LMBR1: variants seen among roughly 807,000 people sequenced by gnomAD.
The protein encoded by LMBR1 is limb development membrane protein 1.
A neutral mutation model predicts 73.9 loss-of-function variants in LMBR1; 52 were observed. The ratio of observed to expected loss-of-function variants is 0.70; its 90% CI spans 0.56 to 0.89. The LOEUF (loss-of-function observed/expected upper bound fraction) is 0.89, where lower values mean the gene tolerates loss of function less well. Ranked by LOEUF, LMBR1 falls within the 40% of genes least tolerant of loss-of-function variation. LMBR1 has a pLI of 0.00. For synonymous variants in LMBR1, 215 were observed against 209.4 expected (o/e 1.03, Z -0.23); for missense variants, 539 against 579.8 (o/e 0.93, Z 0.72).
chr7:156,686,433 C>G (rs1806028648), intron 16 of LMBR1, among the ~76,000 whole-genome samples: 1 of 152,106 alleles, frequency 6.6e-6, no homozygotes, highest in Non-Finnish European at 1.5e-5. Flanking sequence ...AATTACAAGT[C>G]TCAGCTAAAT....
intron 9 of LMBR1, among the ~76,000 whole-genome samples, chr7:156,748,645 C>T (rs1302522222): frequency 6.6e-6 from 1 of 151,954 alleles, no homozygotes; most frequent in African/African-American, 2.4e-5. Context: ...CATGCCACCA[C>T]GCCCAGCTAA....
At chr7:156,792,323 CA>C (rs1221988640) in intron 5 of LMBR1, among the ~76,000 whole-genome samples, 10 of 152,144 alleles carry the variant, frequency 6.6e-5, no homozygotes, top group Non-Finnish European at 8.8e-5. Flanking sequence ...ACCTTTTTAT[CA>C]GTTGAAAAAT....
intron 1 of LMBR1, 62 bp downstream of exon 1, chr7:156,892,866 G>C: frequency 7.8e-7 from 1 of 1,289,770 alleles, no homozygotes; most frequent in Non-Finnish European, 1.0e-6. Context: ...GGGCCCGGGG[G>C]CGGGGACGGA....
intron 4 of LMBR1, among the ~76,000 whole-genome samples, chr7:156,810,424 G>C (rs544799587): frequency 6.6e-6 from 1 of 151,950 alleles, no homozygotes; most frequent in Admixed American, 6.6e-5. Flanking sequence ...ATAGTGTCTC[G>C]CTCTGTCCTC....
chr7:156,741,684 A>G (rs984794075), intron 9 of LMBR1, among the ~76,000 whole-genome samples: 4 of 152,154 alleles, frequency 2.6e-5, no homozygotes, highest in African/African-American at 7.2e-5. Context: ...GAAATACCTC[A>G]ATACAATAAC....
At position 156,833,787 on chromosome 7, in the gene LMBR1, G is replaced by A. The variant is rs1392587221; in HGVS notation, c.145C>T (p.Gln49Ter). ...TTGACGATGGCATCTTCATCTTCTT[G>A]TTCATCTGCAAAAATGTTTAAGGTA... ...ITRYKRKSDEQEDEDAIVNRI... is the reference protein window; with the variant it reads ...ITRYKRKSDE Residue 49 changes from glutamine to a stop codon, truncating the protein, a stop_gained, in exon 3 of 17, where the codon CAA becomes TAA. Transcript: ENST00000353442. LOFTEE classifies it high-confidence loss of function. The A allele has an allele frequency of 1.3e-6, 2 of 1,588,358 alleles. No homozygotes were observed. The highest frequency in any genetic ancestry group is 3.5e-5 in the Admixed American group (2 of 56,450).
At position 156,833,802 on chromosome 7, in the gene LMBR1, T is replaced by C; in HGVS notation, c.140-10A>G. On this transcript the variant is annotated splice_polypyrimidine_tract_variant and intron_variant, in intron 2 of 16. Coordinates refer to ENST00000353442, the MANE Select transcript of LMBR1 (RefSeq NM_022458.4). ...TCATCTTCTTGTTCATCTGCAAAAA[T>C]GTTTAAGGTATTAATATTCCTTTAT... is the stretch of plus-strand genomic sequence containing the variant. The C allele has an allele frequency of 6.4e-7, 1 of 1,570,308 alleles. No individual in the cohort carries two copies. The highest frequency in any genetic ancestry group is 8.7e-7 in the Non-Finnish European group (1 of 1,151,076).
At chr7:156,892,166 A>C (rs1024596513) in intron 1 of LMBR1, among the ~76,000 whole-genome samples, 1 of 152,252 alleles carries the variant, frequency 6.6e-6, no homozygotes, top group African/African-American at 2.4e-5. Context: ...GCCAAAAAAG[A>C]AGCTGCTTCC....
At chr7:156,753,459 G>C (rs1821269014) in intron 9 of LMBR1, among the ~76,000 whole-genome samples, 1 of 152,120 alleles carries the variant, frequency 6.6e-6, no homozygotes, top group African/African-American at 2.4e-5. Context: ...ACATGAGCGG[G>C]TGGCAGGAAT....
At chr7:156,843,666 C>G (rs927333214) in intron 1 of LMBR1, among the ~76,000 whole-genome samples, 3 of 150,446 alleles carry the variant, frequency 2.0e-5, no homozygotes, top group African/African-American at 7.3e-5. Context: ...GCCAACATGA[C>G]GAAACCCGGA....
chr7:156,694,042 C>CA (rs1807778714), intron 15 of LMBR1, among the ~76,000 whole-genome samples: 1 of 152,134 alleles, frequency 6.6e-6, no homozygotes, highest in Non-Finnish European at 1.5e-5. Flanking sequence ...GAATGAAAGA[C>CA]AAAACCACAT....
intron 10 of LMBR1, among the ~76,000 whole-genome samples, chr7:156,733,690 G>A (rs535445701): frequency 6.6e-6 from 1 of 152,116 alleles, no homozygotes; most frequent in African/African-American, 2.4e-5. Context: ...CCTGAAAAGG[G>A]AAGCATGAGG....
chr7:156,816,301 G>T (rs996461591), intron 4 of LMBR1, among the ~76,000 whole-genome samples: 1 of 152,058 alleles, frequency 6.6e-6, no homozygotes, highest in Admixed American at 6.5e-5. Context: ...CACCTCTCAG[G>T]TTCAAGTGAT....
chr7:156,839,869 A>G (rs1838339122), intron 1 of LMBR1, among the ~76,000 whole-genome samples: 1 of 152,202 alleles, frequency 6.6e-6, no homozygotes, highest in Admixed American at 6.5e-5. Context: ...CCTTCTCCCA[A>G]AATTATCTGG....
At chr7:156,869,504 G>C (rs1181719237) in intron 1 of LMBR1, among the ~76,000 whole-genome samples, 1 of 151,922 alleles carries the variant, frequency 6.6e-6, no homozygotes, top group African/African-American at 2.4e-5. Context: ...AATACCTACA[G>C]AAGTTACCCA....
chr7:156,756,322 C>A, intron 9 of LMBR1, 71 bp downstream of exon 9: 1 of 780,080 alleles, frequency 1.3e-6, no homozygotes. Flanking sequence ...TATTTTTTCT[C>A]TTCAATTATC....
intron 15 of LMBR1, among the ~76,000 whole-genome samples, chr7:156,695,877 A>AAAAG (rs200364968): frequency 0.01 from 1,582 of 152,154 alleles, 31 homozygotes; most frequent in African/African-American, 0.036. Flanking sequence ...GAAAAAAAAA[A>AAAAG]AGAGAGAGCA....
intron 15 of LMBR1, among the ~76,000 whole-genome samples, chr7:156,721,076 C>A (rs1433399950): frequency 6.6e-6 from 1 of 152,030 alleles, no homozygotes; most frequent in Non-Finnish European, 1.5e-5. Context: ...TGTGAAAATA[C>A]TGAAAATAAA....
intron 15 of LMBR1, among the ~76,000 whole-genome samples, chr7:156,694,439 A>G (rs1369723833): frequency 1.1e-4 from 17 of 152,132 alleles, no homozygotes; most frequent in Admixed American, 1.1e-3. Context: ...AGCCAAGACA[A>G]TAGATATTTT....
Sources: gnomAD v4.1 joint callset for allele counts (sites outside exome capture counted in the v4.1 genomes callset) on GRCh38, gnomAD v4.1.1 for gene constraint, MANE v1.5 for transcripts, NCBI Gene and HGNC (gene_info 2026-07-23, HGNC 2026-07-21) for gene names.